Variants in NPAS3 observed in about 807,000 individuals in gnomAD.
The protein encoded by NPAS3 is neuronal PAS domain-containing protein 3.
A neutral mutation model predicts 73.1 loss-of-function variants in NPAS3; 14 were observed. That is an observed-to-expected ratio of 0.19 (90% confidence interval 0.13 to 0.30). The LOEUF is 0.30. Ranked by LOEUF, NPAS3 falls within the 10% of genes least tolerant of loss-of-function variation. The pLI, the probability that NPAS3 is intolerant of heterozygous loss-of-function variation, is 1.00. For synonymous variants in NPAS3, 620 were observed against 541.5 expected, an observed-to-expected ratio of 1.14 and a Z score of -2.01; for missense variants, 1,096 against 1,250.0, an observed-to-expected ratio of 0.88 and a Z score of 1.86.
intron 1 of NPAS3, among the ~76,000 whole-genome samples, chr14:33,048,384 C>T (rs2040584159): frequency 6.6e-6 from 1 of 152,212 alleles, no homozygotes; most frequent in Non-Finnish European, 1.5e-5. Flanking sequence ...CCCTTAAGGA[C>T]AAAGGGTGGG....
chr14:33,183,421 G>GTTTTTTTTTTTTT (rs55643715), intron 2 of NPAS3, among the ~76,000 whole-genome samples: 2 of 60,764 alleles, frequency 3.3e-5, no homozygotes, highest in African/African-American at 9.6e-5. Flanking sequence ...GTGAGACTCT[G>GTTTTTTTTTTTTT]TTTTTTTTTT....
chr14:33,126,748 T>A (rs2043441834), intron 2 of NPAS3, among the ~76,000 whole-genome samples: 1 of 152,066 alleles, frequency 6.6e-6, no homozygotes, highest in Non-Finnish European at 1.5e-5. Flanking sequence ...TCACTTAATA[T>A]TGTAACAAGC....
chr14:33,248,687 CTT>C, intron 3 of NPAS3, among the ~76,000 whole-genome samples: 1 of 152,182 alleles, frequency 6.6e-6, no homozygotes, highest in Non-Finnish European at 1.5e-5. Context: ...ATAAATAAAA[CTT>C]ATTTTTCCCA....
chr14:33,020,810 G>T lies in NPAS3; in HGVS notation c.51-35095G>T, dbSNP rs543236441. ...AATTTTGCTCTTGTGGCCCAGGCTG[G>T]AGTGCGGTGGCGTGATCTCGGATCA... On this transcript the variant is annotated intron_variant, in intron 1 of 11. Transcript: ENST00000356141. Among the ~76,000 whole-genome samples the T allele has an allele frequency of 1.9e-3, 291 of 152,070 alleles. 1 individual carries two copies. The highest frequency in any genetic ancestry group is 6.7e-3 in the African/African-American group (279 of 41,446).
chr14:33,308,527 T>TATATATATATATATATATATATACACAC, intron 3 of NPAS3, among the ~76,000 whole-genome samples: 30 of 103,692 alleles, frequency 2.9e-4, no homozygotes, highest in Non-Finnish European at 4.1e-4. Flanking sequence ...TATATATATA[T>TATATATATATATATATATATATACACAC]ACATACACAC....
intron 3 of NPAS3, among the ~76,000 whole-genome samples, chr14:33,328,671 A>G (rs963150542): frequency 1.3e-5 from 2 of 151,468 alleles, no homozygotes; most frequent in Non-Finnish European, 2.9e-5. Context: ...GTTAGCCAGG[A>G]TGGTCTCCAC....
intron 4 of NPAS3, among the ~76,000 whole-genome samples, chr14:33,376,536 T>G (rs1034943091): frequency 1.3e-5 from 2 of 152,190 alleles, no homozygotes; most frequent in East Asian, 3.8e-4. Context: ...AGGAAATACC[T>G]GGTAAATAAA....
chr14:33,510,894 C>A (rs2053018021), intron 4 of NPAS3, among the ~76,000 whole-genome samples: 1 of 151,948 alleles, frequency 6.6e-6, no homozygotes, highest in African/African-American at 2.4e-5. Flanking sequence ...GTTGAATGAT[C>A]TTTTTTCCTT....
intron 4 of NPAS3, among the ~76,000 whole-genome samples, chr14:33,492,893 G>A (rs760610438): frequency 3.9e-5 from 6 of 152,156 alleles, no homozygotes; most frequent in Non-Finnish European, 8.8e-5. Flanking sequence ...TTTTTGAGGA[G>A]AATGTCAAGG....
chr14:33,436,708 A>G (rs964675066), intron 4 of NPAS3, among the ~76,000 whole-genome samples: 1 of 152,142 alleles, frequency 6.6e-6, no homozygotes, highest in Non-Finnish European at 1.5e-5. Flanking sequence ...TTTACAACCT[A>G]TTTCTTCAGT....
At chr14:33,192,400 C>G (rs1046146891) in intron 2 of NPAS3, among the ~76,000 whole-genome samples, 12 of 152,124 alleles carry the variant, frequency 7.9e-5, no homozygotes, top group Admixed American at 6.5e-5. Flanking sequence ...AACTAAGAAG[C>G]ATTCTGTTGA....
chr14:33,207,528 C>A (rs1594395165), intron 2 of NPAS3, among the ~76,000 whole-genome samples: 1 of 152,086 alleles, frequency 6.6e-6, no homozygotes, highest in African/African-American at 2.4e-5. Context: ...ATTCATTTAT[C>A]CTCAAGAATT....
chr14:33,618,611 C>A (rs572953147), intron 5 of NPAS3, among the ~76,000 whole-genome samples: 1 of 152,150 alleles, frequency 6.6e-6, no homozygotes, highest in African/African-American at 2.4e-5. Flanking sequence ...CTGTGTGGTC[C>A]GATTCCTAAC....
At chr14:33,759,993 A>T (rs537336394) in intron 7 of NPAS3, among the ~76,000 whole-genome samples, 3 of 152,230 alleles carry the variant, frequency 2.0e-5, no homozygotes, top group Non-Finnish European at 4.4e-5. Flanking sequence ...TTCTAAGTCC[A>T]GCTGAATCTT....
chr14:33,380,953 A>T, intron 4 of NPAS3, among the ~76,000 whole-genome samples: 1 of 152,260 alleles, frequency 6.6e-6, no homozygotes, highest in Non-Finnish European at 1.5e-5. Context: ...TTCATCTGGT[A>T]TAGAGATTAG....
intron 3 of NPAS3, among the ~76,000 whole-genome samples, chr14:33,349,007 C>G (rs997741069): frequency 6.6e-6 from 1 of 152,106 alleles, no homozygotes; most frequent in Non-Finnish European, 1.5e-5. Context: ...CTTCCAACCA[C>G]GAGTGGGCAT....
At chr14:33,760,794 T>C (rs1347792391) in intron 7 of NPAS3, among the ~76,000 whole-genome samples, 1 of 152,146 alleles carries the variant, frequency 6.6e-6, no homozygotes, top group Admixed American at 6.5e-5. Context: ...GTCTCTCCAA[T>C]AATCAAAAGA....
intron 5 of NPAS3, among the ~76,000 whole-genome samples, chr14:33,631,868 C>A (rs977995192): frequency 2.0e-5 from 3 of 152,204 alleles, no homozygotes; most frequent in South Asian, 2.1e-4. Flanking sequence ...CAGCAGGATA[C>A]ATTTGCGTTT....
chr14:33,770,227 A>G (rs2062608445), intron 7 of NPAS3, among the ~76,000 whole-genome samples: 1 of 152,150 alleles, frequency 6.6e-6, no homozygotes, highest in Non-Finnish European at 1.5e-5. Context: ...GTAACTGCAA[A>G]CCCATTTGCC....
Sources: allele counts gnomAD v4.1 joint callset (sites outside exome capture counted in the v4.1 genomes callset), GRCh38; gene constraint gnomAD v4.1.1; transcripts MANE v1.5; gene names NCBI Gene and HGNC (gene_info 2026-07-23, HGNC 2026-07-21).